The following NEK4 variants were observed in gnomAD, a reference collection of about 807,000 sequenced individuals.
NEK4 encodes NIMA related kinase 4, also known as serine/threonine-protein kinase Nek4.
NEK4 carries 86 observed loss-of-function variants against 98.4 expected under a neutral mutation model. That is an observed-to-expected ratio of 0.87 (90% CI 0.73 to 1.05). NEK4 has a LOEUF of 1.05. Ranked by LOEUF, NEK4 falls within the 50% of genes least tolerant of loss-of-function variation. The pLI is 0.00. For missense variants in NEK4, 898 were observed against 950.3 expected, an observed-to-expected ratio of 0.94 and a Z score of 0.72; for synonymous variants, 328 against 342.2, an observed-to-expected ratio of 0.96 and a Z score of 0.46.
chr3:52,746,658 T>C (rs2097396604), intron 9 of NEK4, 76 bp downstream of exon 9: 1 of 1,312,184 alleles, frequency 7.6e-7, no homozygotes, highest in Non-Finnish European at 1.1e-6. Context: ...CATGCCTTTT[T>C]GGCAATTGTT....
intron 15 of NEK4, among the ~76,000 whole-genome samples, chr3:52,736,478 CG>C (rs1455295372): frequency 9.2e-5 from 14 of 151,402 alleles, no homozygotes; most frequent in African/African-American, 3.4e-4. Flanking sequence ...CCCAGCTACT[CG>C]GGAGGCTGAG....
rs528293777 is a variant in NEK4 at position 52,766,200 on chromosome 3, G to A, written c.536C>T (p.Ser179Leu). The part of the protein sequence containing the change: ...TPYYMSPELF[S>L]NKPYNYKSDV... ...TACCTTATAGTTGTAGGGTTTGTTTGAGAACAATTCAGGGCTCATGTAGTA... is the reference window on the plus strand; with the variant it reads ...TACCTTATAGTTGTAGGGTTTGTTTAAGAACAATTCAGGGCTCATGTAGTA... Residue 179 changes from serine to leucine, a missense_variant, in exon 3 of 16, where the codon TCA becomes TTA. By Grantham distance (145) the Ser-to-Leu change is moderately radical (BLOSUM62 -2). Transcript: ENST00000233027. The A allele has an allele frequency of 1.5e-5, 25 of 1,614,170 alleles. No homozygotes were observed. Among genetic ancestry groups the A allele is most frequent in the Admixed American group, 1.0e-4 (6 of 60,022 alleles).
intron 6 of NEK4, chr3:52,753,991 C>CT: frequency 3.8e-6 from 1 of 263,770 alleles, no homozygotes; most frequent in Non-Finnish European, 7.4e-6. Flanking sequence ...GGTGAAACCC[C>CT]GTCTCTAACC....
intron 12 of NEK4, among the ~76,000 whole-genome samples, chr3:52,742,818 C>G (rs1213459369): frequency 6.6e-6 from 1 of 152,162 alleles, no homozygotes; most frequent in Non-Finnish European, 1.5e-5. Context: ...GAGACAGAGT[C>G]TTGCTCTGTC....
Position 52,741,463 on chromosome 3 carries a change from ACT to A in NEK4, c.2039_2040del (p.Glu680ValfsTer9), listed in dbSNP as rs1561305420. On this transcript the variant is annotated frameshift_variant, in exon 13 of 16. Coordinates refer to ENST00000233027, the MANE Select transcript of NEK4 (RefSeq NM_003157.6). LOFTEE classifies it high-confidence loss of function. ...TCAGTTGAACTTGTAGAAGAACTTAACTCATCCTCAGACAGACAATGAATCTG... is the reference window on the plus strand; with the variant it reads ...TCAGTTGAACTTGTAGAAGAACTTAACATCCTCAGACAGACAATGAATCTG... Reference protein sequence around the residue: ...RKQIHCLSEDELSSSTSSTDK... With the variant: ...RKQIHCLSEDXLSSSTSSTDK... 1 of 1,610,624 alleles carries A rather than the reference ACT, an allele frequency of 6.2e-7. No individual in the cohort carries two copies. The highest frequency in any genetic ancestry group is 1.1e-5 in the South Asian group (1 of 90,996).
chr3:52,738,902 A>G (rs1338525381), intron 14 of NEK4, among the ~76,000 whole-genome samples: 2 of 152,232 alleles, frequency 1.3e-5, no homozygotes, highest in Non-Finnish European at 2.9e-5. Context: ...AGTCACATGA[A>G]AAACCACAAA....
chr3:52,712,555 T>C (rs1298274203), intron 15 of NEK4, among the ~76,000 whole-genome samples: 2 of 152,194 alleles, frequency 1.3e-5, no homozygotes, highest in Non-Finnish European at 2.9e-5. Context: ...TATCCCAGGG[T>C]TCTTGCCTTG....
intron 12 of NEK4, among the ~76,000 whole-genome samples, chr3:52,741,791 G>A (rs1480418455): frequency 6.6e-6 from 1 of 151,528 alleles, no homozygotes; most frequent in African/African-American, 2.4e-5. Context: ...TGATTTTTGT[G>A]TTTTTTTGAG....
At chr3:52,752,927 T>TACACACACACACAC (rs1299044456) in intron 6 of NEK4, among the ~76,000 whole-genome samples, 1 of 45,650 alleles carries the variant, frequency 2.2e-5, no homozygotes, top group Non-Finnish European at 4.8e-5. Context: ...AATATATATA[T>TACACACACACACAC]ATATATACAC....
intron 6 of NEK4, among the ~76,000 whole-genome samples, chr3:52,752,933 T>TACACACACACACACACACACACACAC (rs71087017): frequency 1.7e-3 from 130 of 75,254 alleles, no homozygotes; most frequent in African/African-American, 4.6e-3. Flanking sequence ...TATATATATA[T>TACACACACACACACACACACACACAC]ACACACACAC....
rs2097348233 is a variant in NEK4, at chr3:52,709,498, G to GT, written c.*2278dup. ...GATGCAGGAGGACTGCTTGAATGCA[G>GT]TTTGAGACCAGCCTGGGCAACACAG... On this transcript the variant is annotated 3_prime_UTR_variant, in exon 16 of 16. Coordinates refer to ENST00000233027, the MANE Select transcript of NEK4 (RefSeq NM_003157.6). The GT allele has an allele frequency of 6.6e-6, 1 of 151,326 alleles. No individual in the cohort carries two copies. The highest frequency in any genetic ancestry group is 2.4e-5 in the African/African-American group (1 of 41,144). The allele number at this position is 151,326 out of a possible 1,614,324, so 9.4% of individuals were successfully genotyped here.
At chr3:52,719,806 G>T (rs1238420246) in intron 15 of NEK4, among the ~76,000 whole-genome samples, 2 of 152,092 alleles carry the variant, frequency 1.3e-5, no homozygotes, top group Non-Finnish European at 2.9e-5. Context: ...CACTAGAGGG[G>T]CTCAACAGCA....
At chr3:52,727,731 G>A (rs6803509) in intron 15 of NEK4, among the ~76,000 whole-genome samples, 2,896 of 152,046 alleles carry the variant, frequency 0.019, 99 homozygotes, top group African/African-American at 0.066. Flanking sequence ...TCGGCCTCCC[G>A]AAGTGCTGGG....
intron 7 of NEK4, among the ~76,000 whole-genome samples, chr3:52,750,471 C>T (rs2097403196): frequency 1.3e-5 from 2 of 152,124 alleles, no homozygotes; most frequent in South Asian, 4.1e-4. Flanking sequence ...TCATTGAACC[C>T]AGGAGGCAGA....
intron 7 of NEK4, among the ~76,000 whole-genome samples, chr3:52,751,182 G>A (rs1004798475): frequency 3.3e-5 from 5 of 152,034 alleles, no homozygotes; most frequent in African/African-American, 1.2e-4. Context: ...TCGGCCGAGT[G>A]CGGTGGCTCA....
intron 15 of NEK4, among the ~76,000 whole-genome samples, chr3:52,721,731 G>C (rs2097360276): frequency 7.0e-6 from 1 of 142,594 alleles, no homozygotes; most frequent in Admixed American, 7.1e-5. Context: ...GCAAGACCCT[G>C]TCTCAAAAAA....
At position 52,744,249 on chromosome 3, in the gene NEK4, C is replaced by T. The variant is rs745877601; in HGVS notation, c.1884G>A (p.Met628Ile). Residue 628 changes from methionine (M) to isoleucine (I), a missense_variant, in exon 11 of 16, where the codon ATG becomes ATA. By Grantham distance (10) the Met-to-Ile change is conservative. Coordinates refer to ENST00000233027, the MANE Select transcript of NEK4 (RefSeq NM_003157.6). ...RRRLKQSQEE[M>I]SSSGPSVRKA... ...AGAAGTCAACTTTACCTGAAGAGGA[C>T]ATTTCTTCCTGTGACTGCTTTAGTC... The T allele has an allele frequency of 1.2e-6, 2 of 1,613,228 alleles. No homozygotes were observed. The highest frequency in any genetic ancestry group is 2.2e-5 in the South Asian group (2 of 91,066).
intron 13 of NEK4, 138 bp from the exon 14 acceptor site, chr3:52,739,772 C>G: frequency 1.5e-6 from 1 of 671,624 alleles, no homozygotes; most frequent in Admixed American, 2.7e-5. Flanking sequence ...CCTGACCCTT[C>G]CACAAATAAC....
intron 1 of NEK4, among the ~76,000 whole-genome samples, chr3:52,769,176 C>T (rs1197254036): frequency 1.3e-5 from 2 of 151,928 alleles, no homozygotes; most frequent in Admixed American, 1.3e-4. Context: ...GAGCCAACAT[C>T]GCACCACTGC....
Sources: gnomAD v4.1 joint callset for allele counts (sites outside exome capture counted in the v4.1 genomes callset) on GRCh38, gnomAD v4.1.1 for gene constraint, MANE v1.5 for transcripts, NCBI Gene and HGNC (gene_info 2026-07-23, HGNC 2026-07-21) for gene names.